Variants in PPP3CC observed in about 807,000 individuals in gnomAD.
The protein encoded by PPP3CC is protein phosphatase 3 catalytic subunit gamma, also known as serine/threonine-protein phosphatase 2B catalytic subunit gamma isoform.
A neutral mutation model predicts 60.3 loss-of-function variants in PPP3CC; 35 were observed. The ratio of observed to expected loss-of-function variants is 0.58; its 90% confidence interval spans 0.44 to 0.77. PPP3CC has a LOEUF of 0.77. Among genes scored for constraint, PPP3CC ranks in the 30% least tolerant of loss-of-function variants. PPP3CC has a pLI of 0.00. For missense variants in PPP3CC, 570 were observed against 628.9 expected, an observed-to-expected ratio of 0.91 and a Z score of 1.00; for synonymous variants, 206 against 224.3, an observed-to-expected ratio of 0.92 and a Z score of 0.73.
intron 1 of PPP3CC, among the ~76,000 whole-genome samples, chr8:22,474,509 G>A (rs951664013): frequency 6.6e-6 from 1 of 152,036 alleles, no homozygotes; most frequent in African/African-American, 2.4e-5. Flanking sequence ...TTCGAGAGCA[G>A]GCTGGCCAAC....
chr8:22,485,790 G>A (rs1467558492), intron 3 of PPP3CC, among the ~76,000 whole-genome samples: 1 of 152,198 alleles, frequency 6.6e-6, no homozygotes, highest in Non-Finnish European at 1.5e-5. Flanking sequence ...GAAGAACAAA[G>A]AGAAGGTTAG....
chr8:22,475,412 T>C (rs1457160385), intron 2 of PPP3CC, 88 bp from the exon 3 acceptor site: 1 of 1,406,794 alleles, frequency 7.1e-7, no homozygotes, highest in East Asian at 2.3e-5. Flanking sequence ...TGATTTAAGT[T>C]AGAAGTTAAA....
intron 12 of PPP3CC, among the ~76,000 whole-genome samples, chr8:22,537,802 A>G (rs979837173): frequency 6.6e-6 from 1 of 152,222 alleles, no homozygotes; most frequent in African/African-American, 2.4e-5. Flanking sequence ...GTCACTACAG[A>G]CCACATATTA....
At chr8:22,469,784 G>A (rs564690264) in intron 1 of PPP3CC, among the ~76,000 whole-genome samples, 1 of 151,764 alleles carries the variant, frequency 6.6e-6, no homozygotes, top group East Asian at 1.9e-4. Context: ...CAGAAGTTGC[G>A]GAGCAGAGAC....
intron 3 of PPP3CC, among the ~76,000 whole-genome samples, chr8:22,496,483 A>ATTTTTTTTTTTTTTTTTTT (rs1563741124): frequency 1.3e-5 from 1 of 77,054 alleles, no homozygotes; most frequent in Non-Finnish European, 2.6e-5. Context: ...GAGAACTGTA[A>ATTTTTTTTTTTTTTTTTTT]TCTTTTTTTT....
intron 4 of PPP3CC, among the ~76,000 whole-genome samples, chr8:22,506,306 C>T (rs1200112110): frequency 6.6e-6 from 1 of 151,760 alleles, no homozygotes; most frequent in African/African-American, 2.4e-5. Context: ...CCAGAGTGAT[C>T]TTCTTGTACG....
chr8:22,447,548 GCTCAAGCGATC>G (rs1836868911), intron 1 of PPP3CC, among the ~76,000 whole-genome samples: 1 of 151,962 alleles, frequency 6.6e-6, no homozygotes, highest in Non-Finnish European at 1.5e-5. Flanking sequence ...GAACTCCTGG[GCTCAAGCGATC>G]CTCTTGCCTT....
In PPP3CC at chr8:22,540,919, T is replaced by C; in HGVS notation, c.*117T>C. 1.1e-6 allele frequency: 1 copy of C among 940,342 alleles called. No homozygotes were observed. Among genetic ancestry groups the C allele is most frequent in the Non-Finnish European group, 1.5e-6 (1 of 678,184 alleles). The allele number at this position is 940,342 out of a possible 1,614,324, so 58.2% of individuals were successfully genotyped here. A position where few individuals can be genotyped will look rare whatever the true frequency, so the allele number is the denominator to read the frequency against. ...CTTCAACGTGGAGGTGCATTTATAA[T>C]TCAGTCTGCATTTATTCTGTAAAAA... On this transcript the variant is annotated 3_prime_UTR_variant, in exon 14 of 14. Transcript: ENST00000240139.
chr8:22,522,933 C>T, intron 8 of PPP3CC, 184 bp downstream of exon 8: 1 of 513,642 alleles, frequency 1.9e-6, no homozygotes, highest in Non-Finnish European at 3.4e-6. Context: ...GTCTTTATCT[C>T]CTAAGGATTA....
At chr8:22,441,960 A>G (rs1836687470) in intron 1 of PPP3CC, among the ~76,000 whole-genome samples, 1 of 152,234 alleles carries the variant, frequency 6.6e-6, no homozygotes, top group Admixed American at 6.5e-5. Context: ...AACAAGTCAG[A>G]TAAATCCATT....
chr8:22,511,359 A>G (rs537626233), intron 5 of PPP3CC, 128 bp downstream of exon 5: 171 of 1,007,304 alleles, frequency 1.7e-4, no homozygotes, highest in Middle Eastern at 1.3e-3. Flanking sequence ...GTGCTATCTC[A>G]GCTCACTGCA....
In PPP3CC at chr8:22,507,142, TAAAG is replaced by T. The variant is rs564544690; in HGVS notation, c.485-3943_485-3940del. On this transcript the variant is annotated intron_variant, in intron 4 of 13. Transcript: ENST00000240139. ...TCAAACAATAATAATAAAAAATAAA[TAAAG>T]CAAATAAAAATTGAAACAAATATAT... 1.4e-4 allele frequency among the ~76,000 whole-genome samples: 21 copies of T among 151,848 alleles called. No homozygotes were observed. The East Asian group carries it at 3.7e-3, about 27-fold the overall frequency.
In PPP3CC at chr8:22,494,285, G is replaced by A. The variant is rs534422952; in HGVS notation, c.373-3716G>A. Reference sequence around the variant, plus strand: ...AGGCAAAAGGTACTTCTTACATGGCGGTGGCAAGAATGAGGAAGAAGCAAA... The same window carrying A: ...AGGCAAAAGGTACTTCTTACATGGCAGTGGCAAGAATGAGGAAGAAGCAAA... On this transcript the variant is annotated intron_variant, in intron 3 of 13. Transcript: ENST00000240139. 3.9e-5 allele frequency among the ~76,000 whole-genome samples: 6 copies of A among 152,232 alleles called. No individual in the cohort carries two copies. In the South Asian group the frequency reaches 6.2e-4, roughly 16 times the overall value.
Position 22,475,105 on chromosome 8 carries a change from C to T in PPP3CC, c.201C>T (p.Ile67=), listed in dbSNP as rs1837847290. Residue 67 remains isoleucine, a synonymous_variant, in exon 2 of 14, where the codon ATC becomes ATT. Coordinates refer to ENST00000240139, the MANE Select transcript of PPP3CC (RefSeq NM_005605.5). ...ALKIINDGAA[I]LRQEKTMIEV... ...AGATAATCAATGATGGGGCTGCCAT[C>T]CTGAGGCAAGAGAAGACTATGATAG... 6.2e-7 allele frequency: 1 copy of T among 1,613,314 alleles called. No homozygotes were observed.
chr8:22,478,159 C>G (rs1052338110), intron 3 of PPP3CC, among the ~76,000 whole-genome samples: 1 of 142,868 alleles, frequency 7.0e-6, no homozygotes, highest in Non-Finnish European at 1.5e-5. Context: ...AATAAAACAA[C>G]TTTTTTTTTT....
intron 4 of PPP3CC, among the ~76,000 whole-genome samples, chr8:22,507,606 CCTACT>C (rs1217961733): frequency 1.3e-5 from 2 of 152,102 alleles, no homozygotes; most frequent in African/African-American, 4.8e-5. Context: ...AGTAATAATA[CCTACT>C]TCACAGGGTT....
At chr8:22,447,868 G>A (rs559911348) in intron 1 of PPP3CC, among the ~76,000 whole-genome samples, 19 of 152,252 alleles carry the variant, frequency 1.2e-4, no homozygotes, top group African/African-American at 4.6e-4. Flanking sequence ...TGGTAACCAG[G>A]ATCTTTAAAT....
intron 1 of PPP3CC, among the ~76,000 whole-genome samples, chr8:22,467,193 A>T (rs913070610): frequency 4.6e-5 from 7 of 151,604 alleles, no homozygotes; most frequent in Non-Finnish European, 1.5e-5. Context: ...AGGAGAAAAT[A>T]AAAAAAAATT....
chr8:22,472,363 A>ACACACACACACAC (rs1837750391), intron 1 of PPP3CC, among the ~76,000 whole-genome samples: 1 of 125,614 alleles, frequency 8.0e-6, no homozygotes, highest in Admixed American at 8.3e-5. Flanking sequence ...GGTAAAAATG[A>ACACACACACACAC]ACACACACAC....
Sources: gnomAD v4.1 joint callset for allele counts (sites outside exome capture counted in the v4.1 genomes callset) on GRCh38, gnomAD v4.1.1 for gene constraint, MANE v1.5 for transcripts, NCBI Gene and HGNC (gene_info 2026-07-23, HGNC 2026-07-21) for gene names.